The following APBB2 variants were observed in gnomAD, a reference collection of about 807,000 sequenced individuals.
APBB2 encodes the protein Fe65-like 1.
In APBB2, 38 loss-of-function variants were observed where a neutral mutation model predicts 82.5. The ratio of observed to expected loss-of-function variants is 0.46; its 90% CI spans 0.36 to 0.60. APBB2 has a LOEUF of 0.60. Among genes scored for constraint, APBB2 ranks in the 20% least tolerant of loss-of-function variants. The pLI, the probability that APBB2 is intolerant of heterozygous loss-of-function variation, is 0.00. For synonymous variants in APBB2, 341 were observed against 368.2 expected (o/e 0.93, Z 0.85); for missense variants, 772 against 972.3 (o/e 0.79, Z 2.74).
At chr4:41,054,111 TG>T (rs2153857588) in intron 4 of APBB2, among the ~76,000 whole-genome samples, 2 of 152,354 alleles carry the variant, frequency 1.3e-5, no homozygotes, top group South Asian at 4.1e-4. Flanking sequence ...CAGGTATCTC[TG>T]AGGCTCTTGG....
At chr4:40,904,819 C>A (rs1281603457) in intron 10 of APBB2, among the ~76,000 whole-genome samples, 10 of 151,904 alleles carry the variant, frequency 6.6e-5, no homozygotes, top group South Asian at 2.1e-4. Context: ...AAGGAATCAG[C>A]CTGATTCATT....
At chr4:41,149,382 T>C (rs1023748287) in intron 1 of APBB2, among the ~76,000 whole-genome samples, 7 of 152,210 alleles carry the variant, frequency 4.6e-5, no homozygotes, top group Admixed American at 1.3e-4. Context: ...AAATTTTTAT[T>C]TAATTAAAAG....
intron 4 of APBB2, among the ~76,000 whole-genome samples, chr4:41,059,112 G>A (rs2153874982): frequency 6.6e-6 from 1 of 152,154 alleles, no homozygotes; most frequent in South Asian, 2.1e-4. Flanking sequence ...CCACCTAGAG[G>A]TATGGCATCC....
rs750721499 is a variant in APBB2 at position 40,826,244 on chromosome 4, A to T, written c.1733-274T>A. The T allele has an allele frequency of 7.5e-6, 3 of 401,338 alleles. No homozygotes were observed. The highest frequency in any genetic ancestry group is 1.4e-5 in the Non-Finnish European group (3 of 221,502). The allele number at this position is 401,338 out of a possible 1,614,324, so 24.9% of individuals were successfully genotyped here. On this transcript the variant is annotated intron_variant, in intron 14 of 17. Coordinates refer to ENST00000508593, the MANE Select transcript of APBB2 (RefSeq NM_004307.2). This position sits in a 1 kb window ranked among gnomAD's most constrained non-coding sequence, Gnocchi z 4.5. Reference sequence around the variant, plus strand: ...AGCTGCTACTGTCTCTTTGATGTATATTAAGTAAAGTAGCAGCTTTTGGTG... The same window carrying T: ...AGCTGCTACTGTCTCTTTGATGTATTTTAAGTAAAGTAGCAGCTTTTGGTG...
intron 2 of APBB2, among the ~76,000 whole-genome samples, chr4:41,117,064 C>G (rs1397731551): frequency 6.6e-6 from 1 of 152,082 alleles, no homozygotes; most frequent in Non-Finnish European, 1.5e-5. Context: ...TCTAGGAAAG[C>G]TTTCCTAACC....
chr4:41,167,105 G>A (rs989874251), intron 1 of APBB2, among the ~76,000 whole-genome samples: 1 of 152,094 alleles, frequency 6.6e-6, no homozygotes, highest in African/African-American at 2.4e-5. Flanking sequence ...ATACATAAAG[G>A]TTTATCAAAA....
At chr4:40,922,256 A>G (rs1446253713) in intron 10 of APBB2, among the ~76,000 whole-genome samples, 1 of 152,226 alleles carries the variant, frequency 6.6e-6, no homozygotes, top group African/African-American at 2.4e-5. Flanking sequence ...TTCTTAAATG[A>G]TATTAGCATT....
chr4:40,839,969 G>A (rs140702068), intron 12 of APBB2, among the ~76,000 whole-genome samples: 178 of 152,220 alleles, frequency 1.2e-3, no homozygotes, highest in African/African-American at 4.0e-3. Context: ...CTGGCCCCAC[G>A]AGGGGTGTTT....
chr4:40,826,090 T>C lies in APBB2; in HGVS notation c.1733-120A>G, dbSNP rs1749838876. The C allele has an allele frequency of 1.3e-6, 1 of 752,494 alleles. No individual in the cohort carries two copies. Among genetic ancestry groups the C allele is most frequent in the African/African-American group, 1.7e-5 (1 of 57,198 alleles). 46.6% of individuals were successfully genotyped at this position (752,494 alleles called of 1,614,324 possible). On this transcript the variant is annotated intron_variant, in intron 14 of 17. Transcript: ENST00000508593. The surrounding 1 kb of genome is among the most constrained non-coding windows in gnomAD (Gnocchi z 4.5). Reference sequence around the variant, plus strand: ...GCCCTGTGCCATAACGCCCTATGTTTCTGGATGTAAATGTAACAACTATTC... The same window carrying C: ...GCCCTGTGCCATAACGCCCTATGTTCCTGGATGTAAATGTAACAACTATTC...
chr4:41,196,599 CTTTTTTT>C, intron 1 of APBB2, among the ~76,000 whole-genome samples: 19 of 100,320 alleles, frequency 1.9e-4, no homozygotes, highest in East Asian at 1.6e-3. Flanking sequence ...AAGCCCCCTG[CTTTTTTT>C]TTTTTTTTTT....
chr4:41,109,497 G>C (rs1748420328), intron 2 of APBB2, among the ~76,000 whole-genome samples: 1 of 151,840 alleles, frequency 6.6e-6, no homozygotes. Flanking sequence ...TTGAGATGGA[G>C]TCTCGCTCTG....
At chr4:41,110,297 C>T (rs1346652174) in intron 2 of APBB2, among the ~76,000 whole-genome samples, 1 of 152,160 alleles carries the variant, frequency 6.6e-6, no homozygotes, top group Admixed American at 6.5e-5. Context: ...ACAAGGTTGT[C>T]GTACCCTGTT....
intron 5 of APBB2, among the ~76,000 whole-genome samples, chr4:41,032,502 G>T (rs898854276): frequency 2.1e-4 from 32 of 149,498 alleles, no homozygotes; most frequent in African/African-American, 8.0e-4. Context: ...TTCAGTATTG[G>T]GGGCGGGGGG....
chr4:41,105,158 C>A (rs932530135), intron 2 of APBB2, among the ~76,000 whole-genome samples: 2 of 152,158 alleles, frequency 1.3e-5, no homozygotes, highest in Non-Finnish European at 2.9e-5. Flanking sequence ...AGTTAACATT[C>A]AGCATACATA....
At chr4:40,945,685 T>C (rs984065947) in intron 6 of APBB2, among the ~76,000 whole-genome samples, 5 of 152,178 alleles carry the variant, frequency 3.3e-5, no homozygotes, top group African/African-American at 1.2e-4. Flanking sequence ...CGATCCCGGC[T>C]CACTGCAAGC....
chr4:41,135,550 T>C (rs1230110069), intron 2 of APBB2, among the ~76,000 whole-genome samples: 1 of 152,188 alleles, frequency 6.6e-6, no homozygotes, highest in East Asian at 1.9e-4. Flanking sequence ...TTGGACAATA[T>C]AATCAAATTA....
At chr4:41,213,513 TTTA>T (rs1779843654) in intron 1 of APBB2, among the ~76,000 whole-genome samples, 1 of 152,192 alleles carries the variant, frequency 6.6e-6, no homozygotes, top group African/African-American at 2.4e-5. Context: ...TCCAAATTAA[TTTA>T]TTTTTTTGAA....
chr4:40,929,308 T>A (rs947894344), intron 10 of APBB2, among the ~76,000 whole-genome samples: 2 of 151,970 alleles, frequency 1.3e-5, no homozygotes, highest in African/African-American at 4.8e-5. Context: ...AAGGGGAAAT[T>A]ATTTATTTAT....
chr4:40,872,058 G>A (rs556705606), intron 12 of APBB2, among the ~76,000 whole-genome samples: 3 of 152,334 alleles, frequency 2.0e-5, no homozygotes, highest in South Asian at 2.1e-4. Context: ...GAAGTGAGGC[G>A]CAGTTACGCA....
Sources: gnomAD v4.1 joint callset for allele counts (sites outside exome capture counted in the v4.1 genomes callset) on GRCh38, gnomAD v4.1.1 for gene constraint, Gnocchi (gnomAD v3.1) non-coding constraint, MANE v1.5 for transcripts, NCBI Gene and HGNC (gene_info 2026-07-23, HGNC 2026-07-21) for gene names.